PIP5K1A: variants seen among roughly 807,000 people sequenced by gnomAD.
PIP5K1A encodes the protein phosphatidylinositol-4-phosphate 5-kinase type 1 alpha.
A neutral mutation model predicts 72.9 loss-of-function variants in PIP5K1A; 46 were observed. The observed-to-expected ratio is 0.63, with a 90% CI of 0.50 to 0.81. PIP5K1A has a LOEUF of 0.81. PIP5K1A is among the 30% of genes least tolerant of loss of function. PIP5K1A has a pLI of 0.00. For synonymous variants in PIP5K1A, 228 were observed against 255.1 expected (o/e 0.89, Z 1.01); for missense variants, 458 against 706.1 (o/e 0.65, Z 3.98).
At chr1:151,199,613 CAAA>C (rs1170539698) in intron 1 of PIP5K1A, among the ~76,000 whole-genome samples, 10 of 86,936 alleles carry the variant, frequency 1.2e-4, no homozygotes, top group East Asian at 3.1e-4. Flanking sequence ...GACCCTGTCT[CAAA>C]AAAAAAAAAA....
rs746198251 is a variant in PIP5K1A at position 151,248,339 on chromosome 1, G to T, written c.*474G>T. ...CTGGAAGAATACTCCTGTAATCTCT[G>T]TAAAGGTTTTTGGGGGATAAGGGTG... On this transcript the variant is annotated 3_prime_UTR_variant, in exon 16 of 16. Coordinates refer to ENST00000368888, the MANE Select transcript of PIP5K1A (RefSeq NM_001135638.2). 32 of 155,634 alleles carry T rather than the reference G, an allele frequency of 2.1e-4. No individual in the cohort carries two copies. The highest frequency in any genetic ancestry group is 3.8e-4 in the Non-Finnish European group (27 of 70,682). 9.6% of individuals were successfully genotyped at this position (155,634 alleles called of 1,614,324 possible).
rs1289221705 is a variant in PIP5K1A at position 151,210,509 on chromosome 1, A to G, written c.85+11428A>G. 2.0e-5 allele frequency among the ~76,000 whole-genome samples: 3 copies of G among 152,162 alleles called. No individual in the cohort carries two copies. In the East Asian group the frequency reaches 5.8e-4, roughly 29 times the overall value. ...GTGTGGCGCTCCATCTTTATCAACC[A>G]AAAGTCCACTGAGAGTTAGCATTTT... On this transcript the variant is annotated intron_variant, in intron 1 of 15. Coordinates refer to ENST00000368888, the MANE Select transcript of PIP5K1A (RefSeq NM_001135638.2).
chr1:151,207,416 A>G (rs968747312), intron 1 of PIP5K1A, among the ~76,000 whole-genome samples: 2 of 152,182 alleles, frequency 1.3e-5, no homozygotes, highest in Non-Finnish European at 1.5e-5. Context: ...TTGTAGGATT[A>G]GAAGCAAAAG....
chr1:151,232,536 C>T lies in PIP5K1A; in HGVS notation c.487-15C>T, dbSNP rs1255779526. 2 of 1,592,518 alleles carry T rather than the reference C, an allele frequency of 1.3e-6. No homozygotes were observed. The highest frequency in any genetic ancestry group is 2.2e-5 in the East Asian group (1 of 44,780). ...GATGTGTCTAAATCTCTTAGTTCTTCTCTGTTTGCCCCAGTATTCCCTCTG... is the reference window on the plus strand; with the variant it reads ...GATGTGTCTAAATCTCTTAGTTCTTTTCTGTTTGCCCCAGTATTCCCTCTG... On this transcript the variant is annotated splice_polypyrimidine_tract_variant and intron_variant, in intron 6 of 15. Transcript: ENST00000368888.
At chr1:151,231,566 G>C in intron 4 of PIP5K1A, 105 bp from the exon 5 acceptor site, 5 of 963,246 alleles carry the variant, frequency 5.2e-6, no homozygotes, top group Non-Finnish European at 8.3e-6. Flanking sequence ...TCAGACTAAA[G>C]GATGTTTGTT....
chr1:151,238,661 T>C (rs1691224933), intron 10 of PIP5K1A: 1 of 255,326 alleles, frequency 3.9e-6, no homozygotes, highest in Admixed American at 5.1e-5. Context: ...CTGTAAAATG[T>C]ATTAGACTGT....
intron 14 of PIP5K1A, 128 bp from the exon 15 acceptor site, chr1:151,246,792 T>C (rs1222578948): frequency 3.0e-6 from 2 of 660,038 alleles, no homozygotes; most frequent in Non-Finnish European, 5.3e-6. Context: ...TCTCAGCCTC[T>C]TCTTTCCAAA....
intron 4 of PIP5K1A, among the ~76,000 whole-genome samples, chr1:151,231,435 G>A (rs1690054259): frequency 6.6e-6 from 1 of 152,160 alleles, no homozygotes; most frequent in South Asian, 2.1e-4. Flanking sequence ...GGCTGGCTCA[G>A]AGAGTCCCAG....
At chr1:151,216,898 A>ATTTTTTTT (rs1687709217) in intron 1 of PIP5K1A, among the ~76,000 whole-genome samples, 2 of 67,446 alleles carry the variant, frequency 3.0e-5, no homozygotes, top group Admixed American at 1.6e-4. Context: ...TACTTAGTAA[A>ATTTTTTTT]TGTTTTTTTT....
At chr1:151,235,847 G>A (rs1011614741) in intron 8 of PIP5K1A, among the ~76,000 whole-genome samples, 1 of 152,214 alleles carries the variant, frequency 6.6e-6, no homozygotes, top group Non-Finnish European at 1.5e-5. Flanking sequence ...ACCAGGCCGG[G>A]CGTGGTGGCT....
chr1:151,227,778 C>T lies in PIP5K1A; in HGVS notation c.237+378C>T, dbSNP rs990956013. Among the ~76,000 whole-genome samples, 21 of 152,160 alleles carry T rather than the reference C, an allele frequency of 1.4e-4. 2 individuals carry two copies. The South Asian group carries it at 1.9e-3, about 14-fold the overall frequency. On this transcript the variant is annotated intron_variant, in intron 4 of 15. Transcript: ENST00000368888. Reference sequence around the variant, plus strand: ...GCACACGCTTGTGGTCCCAGCTACTCGGGATGTTGAGGCACGAGAATCGCT... The same window carrying T: ...GCACACGCTTGTGGTCCCAGCTACTTGGGATGTTGAGGCACGAGAATCGCT...
intron 8 of PIP5K1A, among the ~76,000 whole-genome samples, chr1:151,235,070 A>G (rs866816616): frequency 1.2e-4 from 18 of 152,212 alleles, no homozygotes; most frequent in South Asian, 4.2e-4. Context: ...GGATAAATGT[A>G]TCTACATTTT....
chr1:151,231,898 T>A, intron 5 of PIP5K1A, 97 bp downstream of exon 5: 1 of 1,109,404 alleles, frequency 9.0e-7, no homozygotes, highest in South Asian at 1.3e-5. Context: ...AATTTAGACA[T>A]GTGTCCATTT....
intron 14 of PIP5K1A, among the ~76,000 whole-genome samples, chr1:151,246,171 C>T (rs587671936): frequency 1.3e-5 from 2 of 152,138 alleles, no homozygotes; most frequent in Non-Finnish European, 2.9e-5. Flanking sequence ...TGCTTGAACC[C>T]GGGAGGCAGA....
intron 1 of PIP5K1A, among the ~76,000 whole-genome samples, chr1:151,222,100 A>T (rs770601472): frequency 1.3e-5 from 2 of 152,110 alleles, no homozygotes; most frequent in Admixed American, 1.3e-4. Context: ...GGGAAAAAAA[A>T]TTACATATAT....
intron 1 of PIP5K1A, among the ~76,000 whole-genome samples, chr1:151,221,563 C>G (rs951712913): frequency 6.6e-6 from 1 of 152,090 alleles, no homozygotes; most frequent in Non-Finnish European, 1.5e-5. Flanking sequence ...ATGCAGGTCT[C>G]AAGATTCTCA....
intron 14 of PIP5K1A, 37 bp from the exon 15 acceptor site, chr1:151,246,883 C>A (rs201673317): frequency 3.2e-6 from 5 of 1,546,020 alleles, no homozygotes; most frequent in East Asian, 2.2e-5. Context: ...TCTTCTAATT[C>A]TTTTTCTCTC....
intron 4 of PIP5K1A, among the ~76,000 whole-genome samples, chr1:151,230,223 G>A (rs1689846461): frequency 6.6e-6 from 1 of 152,210 alleles, no homozygotes; most frequent in Non-Finnish European, 1.5e-5. Context: ...TGCAGTGATT[G>A]AAATGTGCTG....
intron 14 of PIP5K1A, among the ~76,000 whole-genome samples, chr1:151,246,234 G>A (rs1035032826): frequency 4.6e-5 from 7 of 152,108 alleles, no homozygotes; most frequent in Admixed American, 3.9e-4. Flanking sequence ...GCGACAGAGC[G>A]AGATCTGTCT....
Sources: allele counts gnomAD v4.1 joint callset (sites outside exome capture counted in the v4.1 genomes callset), GRCh38; gene constraint gnomAD v4.1.1; transcripts MANE v1.5; gene names NCBI Gene and HGNC (gene_info 2026-07-23, HGNC 2026-07-21).